Variants in DAB1 observed in about 807,000 individuals in gnomAD.
The protein encoded by DAB1 is DAB adaptor protein 1.
DAB1 carries 15 observed loss-of-function variants against 64.6 expected under a neutral mutation model. That is an observed-to-expected ratio of 0.23 (90% confidence interval 0.16 to 0.36). The LOEUF (loss-of-function observed/expected upper bound fraction) is 0.36. Ranked by LOEUF, DAB1 falls within the 10% of genes least tolerant of loss-of-function variation. The probability of loss-of-function intolerance (pLI) is 1.00; values close to 1 mark genes in which losing one functional copy is unlikely to be tolerated. For synonymous variants in DAB1, 235 were observed against 251.9 expected (o/e 0.93, Z 0.64); for missense variants, 596 against 706.7 (o/e 0.84, Z 1.78).
intron 7 of DAB1, among the ~76,000 whole-genome samples, chr1:57,447,514 T>C (rs1686186980): frequency 6.6e-6 from 1 of 152,190 alleles, no homozygotes. Context: ...TCAATATACT[T>C]CATTAGTTTT....
chr1:57,951,332 A>ATATATATATATATATATATATATATATAT lies in DAB1; in HGVS notation n.388-67171_388-67170insATATATATATATATATATATATATATATA, dbSNP rs1491577001. ...GAGCCTGATTCATATATATATATAT[A>ATATATATATATATATATATATATATATAT]CTTCCCTGGAAACTTAAATTAGCCC... On this transcript the variant is annotated intron_variant and non_coding_transcript_variant, in intron 5 of 20. Coordinates refer to the DAB1 transcript ENST00000485760. 7.8e-5 allele frequency among the ~76,000 whole-genome samples: 10 copies of ATATATATATATATATATATATATATATAT among 127,710 alleles called. 1 individual carries two copies. Among genetic ancestry groups the ATATATATATATATATATATATATATATAT allele is most frequent in the Non-Finnish European group, 1.6e-4 (9 of 55,884 alleles). 83.8% of individuals were successfully genotyped at this position (127,710 alleles called of 152,430 possible). A position where few individuals can be genotyped will look rare whatever the true frequency, so the allele number is the denominator to read the frequency against.
At chr1:57,546,116 T>C (rs1233614967) in intron 7 of DAB1, among the ~76,000 whole-genome samples, 9 of 151,362 alleles carry the variant, frequency 5.9e-5, no homozygotes, top group Non-Finnish European at 1.0e-4. Context: ...CGTGTGCATG[T>C]TTGTAGAAGT....
intron 3 of DAB1, among the ~76,000 whole-genome samples, chr1:58,345,173 G>A (rs1383638804): frequency 6.6e-6 from 1 of 152,042 alleles, no homozygotes; most frequent in African/African-American, 2.4e-5. Context: ...ACATCTCTTA[G>A]CCCACAATTT....
intron 7 of DAB1, among the ~76,000 whole-genome samples, chr1:57,559,432 C>A (rs943422577): frequency 2.0e-5 from 3 of 152,122 alleles, no homozygotes; most frequent in African/African-American, 7.2e-5. Flanking sequence ...AATCTTTCTC[C>A]CATCCTTCCC....
chr1:57,555,341 T>C (rs1378131903), intron 7 of DAB1, among the ~76,000 whole-genome samples: 2 of 151,848 alleles, frequency 1.3e-5, no homozygotes, highest in Non-Finnish European at 2.9e-5. Flanking sequence ...CCGGTATCTT[T>C]TTTCTTTTTC....
At chr1:57,149,354 T>C (rs1419306813) in intron 2 of DAB1, among the ~76,000 whole-genome samples, 1 of 152,210 alleles carries the variant, frequency 6.6e-6, no homozygotes. Context: ...AAGAAAGGAA[T>C]TGTCGCATCA....
chr1:58,445,607 C>G (rs548735702), intron 3 of DAB1, among the ~76,000 whole-genome samples: 1 of 152,216 alleles, frequency 6.6e-6, no homozygotes, highest in Non-Finnish European at 1.5e-5. Flanking sequence ...CTGTGAAAAA[C>G]GCTTCTTGCT....
chr1:57,639,994 T>C (rs1646108654), intron 7 of DAB1, among the ~76,000 whole-genome samples: 1 of 152,218 alleles, frequency 6.6e-6, no homozygotes, highest in Non-Finnish European at 1.5e-5. Flanking sequence ...CTCTCTGGCA[T>C]GTGAAGTTGG....
chr1:57,286,548 C>T (rs966079955), intron 2 of DAB1, among the ~76,000 whole-genome samples: 1 of 152,144 alleles, frequency 6.6e-6, no homozygotes, highest in African/African-American at 2.4e-5. Context: ...CGGAATTATG[C>T]ATGGTTACTT....
At chr1:57,025,172 C>T (rs542820730) in intron 10 of DAB1, among the ~76,000 whole-genome samples, 62 of 152,330 alleles carry the variant, frequency 4.1e-4, no homozygotes, top group Non-Finnish European at 5.6e-4. Flanking sequence ...CGGGAATGGG[C>T]AGGGGAGGGG....
chr1:58,228,042 G>A (rs1205179466), intron 4 of DAB1, among the ~76,000 whole-genome samples: 1 of 152,190 alleles, frequency 6.6e-6, no homozygotes, highest in Non-Finnish European at 1.5e-5. Flanking sequence ...TAGCCTAACT[G>A]GTTTCAGAAG....
At chr1:58,415,069 T>C (rs1471824533) in intron 3 of DAB1, among the ~76,000 whole-genome samples, 1 of 151,936 alleles carries the variant, frequency 6.6e-6, no homozygotes, top group Admixed American at 6.6e-5. Flanking sequence ...CTTTGGGAGG[T>C]AATTAAGATT....
intron 7 of DAB1, among the ~76,000 whole-genome samples, chr1:57,550,942 T>C (rs1432020343): frequency 2.0e-5 from 3 of 152,196 alleles, no homozygotes; most frequent in Non-Finnish European, 2.9e-5. Flanking sequence ...AATTAGTTCA[T>C]AGAATGTTTA....
intron 5 of DAB1, among the ~76,000 whole-genome samples, chr1:57,898,540 A>G (rs1303143035): frequency 6.6e-6 from 1 of 152,192 alleles, no homozygotes; most frequent in African/African-American, 2.4e-5. Context: ...TGAAGATTTT[A>G]TACCAAATAC....
At chr1:57,872,044 T>C (rs1324041983) in intron 1 of DAB1, among the ~76,000 whole-genome samples, 1 of 151,948 alleles carries the variant, frequency 6.6e-6, no homozygotes. Flanking sequence ...AACAATTGTA[T>C]ATATCATAAT....
At chr1:57,419,775 G>A (rs1443670679) in intron 1 of DAB1, among the ~76,000 whole-genome samples, 1 of 152,228 alleles carries the variant, frequency 6.6e-6, no homozygotes, top group Non-Finnish European at 1.5e-5. Context: ...ATAAAGCACA[G>A]AGAAGTTAGA....
intron 7 of DAB1, among the ~76,000 whole-genome samples, chr1:57,429,671 A>T (rs1169114299): frequency 6.6e-6 from 1 of 152,192 alleles, no homozygotes; most frequent in Non-Finnish European, 1.5e-5. Context: ...CATATATGGC[A>T]TAATATAAGG....
intron 4 of DAB1, among the ~76,000 whole-genome samples, chr1:58,198,970 G>C (rs1039308881): frequency 6.6e-6 from 1 of 152,128 alleles, no homozygotes; most frequent in Admixed American, 6.5e-5. Flanking sequence ...AGCTGGGCAC[G>C]GTGGCGCATG....
At chr1:58,469,213 C>T (rs1415755292) in intron 3 of DAB1, among the ~76,000 whole-genome samples, 1 of 152,182 alleles carries the variant, frequency 6.6e-6, no homozygotes, top group Non-Finnish European at 1.5e-5. Context: ...TTTGGAATCA[C>T]ACAGACCTGC....
Sources: allele counts gnomAD v4.1 joint callset (sites outside exome capture counted in the v4.1 genomes callset), GRCh38; gene constraint gnomAD v4.1.1; transcripts MANE v1.5; gene names NCBI Gene and HGNC (gene_info 2026-07-23, HGNC 2026-07-21).